The following PDE10A variants were observed in gnomAD, a reference collection of about 807,000 sequenced individuals.
The protein encoded by PDE10A is cAMP and cAMP-inhibited cGMP 3',5'-cyclic phosphodiesterase 10A.
In PDE10A, 39 loss-of-function variants were observed where a neutral mutation model predicts 97.7. The observed-to-expected ratio is 0.40, with a 90% confidence interval of 0.31 to 0.52. PDE10A has a LOEUF of 0.52. PDE10A is among the 20% of genes least tolerant of loss of function. The pLI is 0.56. For synonymous variants in PDE10A, 371 were observed against 376.8 expected, an observed-to-expected ratio of 0.98 and a Z score of 0.18; for missense variants, 731 against 1,047.8, an observed-to-expected ratio of 0.70 and a Z score of 4.17.
intron 1 of PDE10A, among the ~76,000 whole-genome samples, chr6:165,904,083 G>A (rs895901598): frequency 2.6e-5 from 4 of 152,188 alleles, no homozygotes; most frequent in African/African-American, 9.7e-5. Flanking sequence ...TAACTGGAGA[G>A]AATTATAGGA....
intron 1 of PDE10A, among the ~76,000 whole-genome samples, chr6:165,876,076 A>G (rs1562778004): frequency 6.6e-6 from 1 of 152,222 alleles, no homozygotes; most frequent in African/African-American, 2.4e-5. Flanking sequence ...ATTGTTTTGG[A>G]ACTTGTGAAT....
intron 2 of PDE10A, among the ~76,000 whole-genome samples, chr6:165,525,340 T>C (rs183866244): frequency 1.4e-4 from 21 of 152,282 alleles, no homozygotes; most frequent in African/African-American, 3.8e-4. Flanking sequence ...CTATTTTTAA[T>C]GTTGCAGCTC....
chr6:165,394,502 A>T (rs1480138907), intron 15 of PDE10A, among the ~76,000 whole-genome samples: 2 of 152,090 alleles, frequency 1.3e-5, no homozygotes, highest in Non-Finnish European at 2.9e-5. Flanking sequence ...AGTCTTTGCT[A>T]TTATGAACAG....
intron 1 of PDE10A, among the ~76,000 whole-genome samples, chr6:165,550,663 T>C (rs1783969141): frequency 6.6e-6 from 1 of 151,412 alleles, no homozygotes; most frequent in Admixed American, 6.6e-5. Flanking sequence ...TCATATCTTG[T>C]TTTGTTTTTT....
intron 13 of PDE10A, among the ~76,000 whole-genome samples, chr6:165,406,260 G>GTGTGTGTGTT (rs1562431563): frequency 2.7e-5 from 4 of 150,264 alleles, no homozygotes; most frequent in African/African-American, 9.8e-5. Flanking sequence ...GTGTGTGTGT[G>GTGTGTGTGTT]TTTCTGTGTG....
At chr6:165,906,501 A>G (rs1782291087) in intron 1 of PDE10A, among the ~76,000 whole-genome samples, 1 of 152,168 alleles carries the variant, frequency 6.6e-6, no homozygotes. Flanking sequence ...ATAATCAGCC[A>G]TGAAATGAAC....
At chr6:165,690,695 T>G (rs992978902) in intron 1 of PDE10A, among the ~76,000 whole-genome samples, 2 of 152,224 alleles carry the variant, frequency 1.3e-5, no homozygotes, top group African/African-American at 4.8e-5. Flanking sequence ...TGCTGGTACT[T>G]CTTGCCTCCA....
chr6:165,703,911 G>C (rs927572066), intron 1 of PDE10A, among the ~76,000 whole-genome samples: 1 of 152,168 alleles, frequency 6.6e-6, no homozygotes, highest in African/African-American at 2.4e-5. Context: ...AGCTTCTCAG[G>C]TCACAAAGAT....
chr6:165,383,217 C>T (rs571547889), intron 17 of PDE10A, among the ~76,000 whole-genome samples: 1 of 152,040 alleles, frequency 6.6e-6, no homozygotes, highest in East Asian at 1.9e-4. Flanking sequence ...GGTCTGTTTT[C>T]TAAAATTTTG....
chr6:165,686,130 GACACAC>G (rs57547290), intron 1 of PDE10A, among the ~76,000 whole-genome samples: 32,354 of 145,092 alleles, frequency 0.22, 3,670 homozygotes, highest in African/African-American at 0.26. Context: ...AATGTGCATG[GACACAC>G]ACACACACAC....
chr6:165,625,623 A>C (rs1788346237), intron 1 of PDE10A, among the ~76,000 whole-genome samples: 1 of 152,132 alleles, frequency 6.6e-6, no homozygotes, highest in African/African-American at 2.4e-5. Context: ...TTGCATCATG[A>C]GGGTGGGTCT....
intron 1 of PDE10A, among the ~76,000 whole-genome samples, chr6:165,615,823 G>A (rs1054839156): frequency 6.6e-6 from 1 of 152,178 alleles, no homozygotes; most frequent in African/African-American, 2.4e-5. Flanking sequence ...AGCCCTGCCT[G>A]TGGTCACTTT....
chr6:165,403,312 G>A (rs771256708), intron 13 of PDE10A, among the ~76,000 whole-genome samples: 1 of 152,128 alleles, frequency 6.6e-6, no homozygotes, highest in African/African-American at 2.4e-5. Flanking sequence ...GCACCGAACT[G>A]GCTTGCAAGA....
intron 1 of PDE10A, among the ~76,000 whole-genome samples, chr6:165,608,186 T>C (rs1787315343): frequency 6.6e-6 from 1 of 151,302 alleles, no homozygotes; most frequent in African/African-American, 2.4e-5. Flanking sequence ...TATGTATACA[T>C]GTGCCATGAT....
intron 19 of PDE10A, among the ~76,000 whole-genome samples, chr6:165,340,025 C>G (rs1781886348): frequency 6.6e-6 from 1 of 151,684 alleles, no homozygotes; most frequent in South Asian, 2.1e-4. Context: ...GTAATAGTTA[C>G]TAAAGATTCA....
At chr6:165,987,848 C>G (rs1485470135) in exon 1 of PDE10A, 1 of 401,366 alleles carries the variant, frequency 2.5e-6, no homozygotes, top group East Asian at 7.2e-5. Context: ...ATCTGGGGGT[C>G]TCGGGGAAAG....
At chr6:165,793,499 G>T (rs1488905954) in intron 1 of PDE10A, among the ~76,000 whole-genome samples, 9 of 152,118 alleles carry the variant, frequency 5.9e-5, no homozygotes, top group Admixed American at 5.9e-4. Context: ...GGCGTGGGGT[G>T]CAACTGCACA....
At chr6:165,381,631 A>ATTTT (rs547827126) in intron 17 of PDE10A, among the ~76,000 whole-genome samples, 6 of 118,676 alleles carry the variant, frequency 5.1e-5, no homozygotes, top group Non-Finnish European at 8.4e-5. Flanking sequence ...CACCTGGCTA[A>ATTTT]TTTTTTTTTT....
At chr6:165,867,383 CA>C (rs747049123) in intron 1 of PDE10A, among the ~76,000 whole-genome samples, 13 of 151,696 alleles carry the variant, frequency 8.6e-5, no homozygotes, top group Non-Finnish European at 1.6e-4. Context: ...AAACTTCTAT[CA>C]GGCAAAATAT....
Sources: gnomAD v4.1 joint callset for allele counts (sites outside exome capture counted in the v4.1 genomes callset) on GRCh38, gnomAD v4.1.1 for gene constraint, MANE v1.5 for transcripts, NCBI Gene and HGNC (gene_info 2026-07-23, HGNC 2026-07-21) for gene names.